SIRPA: variants seen among roughly 807,000 people sequenced by gnomAD.
The protein encoded by SIRPA is signal regulatory protein alpha, also known as tyrosine-protein phosphatase non-receptor type substrate 1.
In SIRPA, 9 loss-of-function variants were observed where a neutral mutation model predicts 50.3. The observed-to-expected ratio is 0.18, with a 90% CI of 0.11 to 0.31. The LOEUF is 0.31. Ranked by LOEUF, SIRPA falls within the 10% of genes least tolerant of loss-of-function variation. The pLI, the probability that SIRPA is intolerant of heterozygous loss-of-function variation, is 1.00. For missense variants in SIRPA, 474 were observed against 661.6 expected, an observed-to-expected ratio of 0.72 and a Z score of 3.11; for synonymous variants, 265 against 284.1, an observed-to-expected ratio of 0.93 and a Z score of 0.68.
At chr20:1,907,132 C>T (rs1010872168) in intron 1 of SIRPA, among the ~76,000 whole-genome samples, 1 of 152,104 alleles carries the variant, frequency 6.6e-6, no homozygotes, top group African/African-American at 2.4e-5. Flanking sequence ...GAGTCTGCCC[C>T]TTCCCTGCAG....
At chr20:1,925,771 G>A (rs1017705485) in intron 5 of SIRPA, among the ~76,000 whole-genome samples, 6 of 152,098 alleles carry the variant, frequency 3.9e-5, no homozygotes, top group African/African-American at 1.2e-4. Context: ...GTGAAATAAC[G>A]GGTCTGACAC....
chr20:1,924,704 G>A lies in SIRPA; in HGVS notation c.1088-60G>A, dbSNP rs1985875959. On this transcript the variant is annotated intron_variant, in intron 4 of 7. Coordinates refer to ENST00000358771, the MANE Select transcript of SIRPA (RefSeq NM_001040023.2). The surrounding 1 kb of genome is among the most constrained non-coding windows in gnomAD (Gnocchi z 4.5). ...CTGCTTAGTGGTGAAAAGCAGTGGT[G>A]GGTTTGGTTTTCTGTTTTTAATCTG... 7.3e-7 allele frequency: 1 copy of A among 1,365,938 alleles called. No individual in the cohort carries two copies. Among genetic ancestry groups the A allele is most frequent in the African/African-American group, 1.4e-5 (1 of 69,934 alleles). 84.6% of individuals were successfully genotyped at this position (1,365,938 alleles called of 1,614,324 possible).
At position 1,927,827 on chromosome 20, in the gene SIRPA, A is replaced by G. The variant is rs1986071815; in HGVS notation, c.1202-48A>G. The G allele has an allele frequency of 2.5e-6, 4 of 1,590,334 alleles. No homozygotes were observed. In the South Asian group the frequency reaches 4.4e-5, roughly 18 times the overall value. Reference sequence around the variant, plus strand: ...TGCCAAAAAATAGTTACATAAGAAAAGTGTGCTTCTAGTTAAACAACTGGC... The same window carrying G: ...TGCCAAAAAATAGTTACATAAGAAAGGTGTGCTTCTAGTTAAACAACTGGC... On this transcript the variant is annotated intron_variant, in intron 5 of 7. Coordinates refer to ENST00000358771, the MANE Select transcript of SIRPA (RefSeq NM_001040023.2). This position sits in a 1 kb window ranked among gnomAD's most constrained non-coding sequence, Gnocchi z 6.5.
At chr20:1,894,926 G>C (rs1400738098), upstream of SIRPA, 1 of 146,840 alleles carries the variant, frequency 6.8e-6, no homozygotes, top group African/African-American at 2.5e-5. The surrounding 1 kb of genome is among the most constrained non-coding windows in gnomAD (Gnocchi z 4.0). Context: ...GGCCGGGAGC[G>C]AGCCCAGCCG....
intron 7 of SIRPA, among the ~76,000 whole-genome samples, chr20:1,935,829 A>C (rs1986546265): frequency 6.6e-6 from 1 of 152,194 alleles, no homozygotes; most frequent in Admixed American, 6.5e-5. Flanking sequence ...GCCAGGTGCC[A>C]GCCCTGGCCA....
chr20:1,937,468 A>G lies in SIRPA; in HGVS notation c.1415A>G (p.Asp472Gly). ...TCGGAGGACACCCTCACCTATGCTGACCTGGACATGGTCCACCTCAACCGG... is the reference window on the plus strand; with the variant it reads ...TCGGAGGACACCCTCACCTATGCTGGCCTGGACATGGTCCACCTCAACCGG... ...PASEDTLTYA[D>G]LDMVHLNRTP... is the part of the protein sequence containing the mutation. Residue 472 changes from aspartate (D) to glycine (G), a missense_variant, in exon 8 of 8, where the codon GAC (aspartate) becomes GGC (glycine). Physicochemically the swap from Asp to Gly is moderately conservative, Grantham distance 94. Transcript: ENST00000358771. The surrounding 1 kb of genome is among the most constrained non-coding windows in gnomAD (Gnocchi z 8.3). 2.5e-6 allele frequency: 4 copies of G among 1,614,054 alleles called. No individual in the cohort carries two copies. The highest frequency in any genetic ancestry group is 3.4e-6 in the Non-Finnish European group (4 of 1,180,008).
At chr20:1,908,271 T>C (rs1984665558) in intron 1 of SIRPA, among the ~76,000 whole-genome samples, 1 of 151,996 alleles carries the variant, frequency 6.6e-6, no homozygotes, top group Non-Finnish European at 1.5e-5. Flanking sequence ...TAGTGGCATG[T>C]GCATACCTCC....
Position 1,900,796 on chromosome 20 carries a change from A to C in SIRPA, c.79+5270A>C, listed in dbSNP as rs1302757677. The stretch of plus-strand genomic sequence containing the variant: ...ATCCCGAATTCCCCGGGAAAACACT[A>C]AAGTAATACTAATAGGAACCATCTG... On this transcript the variant is annotated intron_variant, in intron 1 of 7. Transcript: ENST00000358771. Among the ~76,000 whole-genome samples, 3 of 152,262 alleles carry C rather than the reference A, an allele frequency of 2.0e-5. No homozygotes were observed. In the East Asian group the frequency reaches 5.8e-4, roughly 29 times the overall value.
In SIRPA at chr20:1,924,901, C is replaced by T. The variant is rs867097167; in HGVS notation, c.1201+24C>T. Reference sequence around the variant, plus strand: ...AGGTGGGTGCATTCCCCTCTTCCTCCCTAAGGGTTTGTCCCTGGACTGTCC... The same window carrying T: ...AGGTGGGTGCATTCCCCTCTTCCTCTCTAAGGGTTTGTCCCTGGACTGTCC... On this transcript the variant is annotated intron_variant, in intron 5 of 7. Transcript: ENST00000358771. This position sits in a 1 kb window ranked among gnomAD's most constrained non-coding sequence, Gnocchi z 4.5. 1 of 1,583,938 alleles carries T rather than the reference C, an allele frequency of 6.3e-7. No homozygotes were observed. The highest frequency in any genetic ancestry group is 1.1e-5 in the South Asian group (1 of 90,456).
Position 1,936,194 on chromosome 20 carries a change from G to A in SIRPA, c.1267-1126G>A, listed in dbSNP as rs1321582655. Among the ~76,000 whole-genome samples, 1 of 152,164 alleles carries A rather than the reference G, an allele frequency of 6.6e-6. No individual in the cohort carries two copies. ...TAGCTTTATTCTGTTCTATCACGCA[G>A]GGGCCAGTCACAGAGGGAGCAAAGT... On this transcript the variant is annotated intron_variant, in intron 7 of 7. Coordinates refer to ENST00000358771, the MANE Select transcript of SIRPA (RefSeq NM_001040023.2). This position sits in a 1 kb window ranked among gnomAD's most constrained non-coding sequence, Gnocchi z 4.2.
intron 6 of SIRPA, among the ~76,000 whole-genome samples, chr20:1,930,596 T>C (rs975192188): frequency 7.2e-5 from 11 of 152,234 alleles, no homozygotes; most frequent in Non-Finnish European, 1.6e-4. Context: ...TATTTTTTTA[T>C]TTTTTATTTT....
At chr20:1,908,071 C>A (rs1300944898) in intron 1 of SIRPA, among the ~76,000 whole-genome samples, 1 of 152,156 alleles carries the variant, frequency 6.6e-6, no homozygotes, top group Non-Finnish European at 1.5e-5. Flanking sequence ...GGGCACGACC[C>A]TAGACAGATA....
At chr20:1,895,903 C>T (rs1983779038) in intron 1 of SIRPA, among the ~76,000 whole-genome samples, 2 of 152,220 alleles carry the variant, frequency 1.3e-5, no homozygotes, top group African/African-American at 4.8e-5. Context: ...TCCCCATGGA[C>T]ATACGACTTT....
In SIRPA at chr20:1,896,061, G is replaced by A. The variant is rs533785128; in HGVS notation, c.79+535G>A. ...GCAGAGTAAACCGGTGTTAGTGTGT[G>A]CCTGGGAGAGAGGGAGCCGGGAGGC... On this transcript the variant is annotated intron_variant, in intron 1 of 7. Coordinates refer to ENST00000358771, the MANE Select transcript of SIRPA (RefSeq NM_001040023.2). Among the ~76,000 whole-genome samples the A allele has an allele frequency of 3.3e-5, 5 of 152,340 alleles. No homozygotes were observed. The South Asian group carries it at 1.0e-3, about 32-fold the overall frequency.
chr20:1,906,879 G>A (rs1052208211), intron 1 of SIRPA, among the ~76,000 whole-genome samples: 2 of 152,192 alleles, frequency 1.3e-5, no homozygotes, highest in Non-Finnish European at 2.9e-5. Flanking sequence ...TGTGGAACAC[G>A]GATGAAAGGG....
rs77453896 is a variant in SIRPA, at chr20:1,936,366, C to T, written c.1267-954C>T. 0.025 allele frequency among the ~76,000 whole-genome samples: 3,764 copies of T among 152,260 alleles called. 141 individuals are homozygous for T. The highest frequency in any genetic ancestry group is 0.083 in the African/African-American group (3,447 of 41,508). Reference sequence around the variant, plus strand: ...AATAGGTACCAGGCTCTGTTCTAAACGCTTTACCTGGATAATCTCATTCCA... The same window carrying T: ...AATAGGTACCAGGCTCTGTTCTAAATGCTTTACCTGGATAATCTCATTCCA... On this transcript the variant is annotated intron_variant, in intron 7 of 7. Transcript: ENST00000358771. The surrounding 1 kb of genome is among the most constrained non-coding windows in gnomAD (Gnocchi z 4.2).
At chr20:1,925,520 G>A (rs1199061277) in intron 5 of SIRPA, among the ~76,000 whole-genome samples, 1 of 152,200 alleles carries the variant, frequency 6.6e-6, no homozygotes, top group Non-Finnish European at 1.5e-5. Flanking sequence ...CCAGGACACC[G>A]CTTCCCCTTG....
intron 1 of SIRPA, among the ~76,000 whole-genome samples, chr20:1,903,894 C>T (rs2024867): frequency 0.7 from 105,347 of 151,506 alleles, 37,745 homozygotes; most frequent in African/African-American, 0.88. Context: ...TTATTTCAGC[C>T]CTGTCTCCTC....
At chr20:1,914,123 G>A (rs373257512) in intron 1 of SIRPA, among the ~76,000 whole-genome samples, 2 of 152,212 alleles carry the variant, frequency 1.3e-5, no homozygotes, top group African/African-American at 4.8e-5. Flanking sequence ...TTTATTCAAT[G>A]TATAGTAACA....
Sources: allele counts gnomAD v4.1 joint callset (sites outside exome capture counted in the v4.1 genomes callset), GRCh38; gene constraint gnomAD v4.1.1; non-coding constraint Gnocchi (gnomAD v3.1); transcripts MANE v1.5; gene names NCBI Gene and HGNC (gene_info 2026-07-23, HGNC 2026-07-21).